ST8SIA6: variants seen among roughly 807,000 people sequenced by gnomAD.
The protein encoded by ST8SIA6 is ST8 alpha-N-acetyl-neuraminide alpha-2,8-sialyltransferase 6.
ST8SIA6 carries 39 observed loss-of-function variants against 33.6 expected under a neutral mutation model. The ratio of observed to expected loss-of-function variants is 1.16; its 90% CI spans 0.90 to 1.52. The LOEUF (loss-of-function observed/expected upper bound fraction) is 1.52. Ranked by LOEUF, ST8SIA6 falls within the 40% of genes most tolerant of loss-of-function variation. ST8SIA6 has a pLI of 0.00. For missense variants in ST8SIA6, 441 were observed against 443.8 expected (o/e 0.99, Z 0.06); for synonymous variants, 172 against 167.2 (o/e 1.03, Z -0.22).
In ST8SIA6 at chr10:17,451,535, G is replaced by A. The variant is rs1319735600; in HGVS notation, c.200+2024C>T. Among the ~76,000 whole-genome samples the A allele has an allele frequency of 2.0e-5, 3 of 152,138 alleles. No homozygotes were observed. In the South Asian group the frequency reaches 6.2e-4, roughly 31 times the overall value. On this transcript the variant is annotated intron_variant, in intron 2 of 7. Transcript: ENST00000377602. ...CTTCACCACTAGGCAATATATCCATGTAACAAAAATGCACTTTACCCCCTA... is the reference window on the plus strand; with the variant it reads ...CTTCACCACTAGGCAATATATCCATATAACAAAAATGCACTTTACCCCCTA...
intron 2 of ST8SIA6, among the ~76,000 whole-genome samples, chr10:17,411,117 C>G (rs939158362): frequency 6.6e-6 from 1 of 152,156 alleles, no homozygotes; most frequent in Non-Finnish European, 1.5e-5. Context: ...CAATCAATCA[C>G]ATGTCATTTC....
At chr10:17,360,656 AT>A (rs1167828413) in intron 3 of ST8SIA6, among the ~76,000 whole-genome samples, 1 of 152,078 alleles carries the variant, frequency 6.6e-6, no homozygotes. Flanking sequence ...TAAGAAAAAG[AT>A]GAACACTCTT....
chr10:17,374,051 T>C, intron 3 of ST8SIA6, among the ~76,000 whole-genome samples: 1 of 140,426 alleles, frequency 7.1e-6, no homozygotes, highest in Admixed American at 7.4e-5. Flanking sequence ...ATGCTAGTTA[T>C]CTTTTAACAT....
chr10:17,333,718 T>TACA (rs1491246829), intron 4 of ST8SIA6, among the ~76,000 whole-genome samples: 7 of 24,278 alleles, frequency 2.9e-4, no homozygotes, highest in African/African-American at 1.2e-3. Context: ...TATATATATA[T>TACA]TTTTTTTTTT....
At chr10:17,381,743 C>A (rs1045814516) in intron 3 of ST8SIA6, among the ~76,000 whole-genome samples, 8 of 152,164 alleles carry the variant, frequency 5.3e-5, no homozygotes, top group African/African-American at 1.9e-4. Flanking sequence ...ACAGAATGAT[C>A]TTTGCTTGTG....
intron 4 of ST8SIA6, among the ~76,000 whole-genome samples, chr10:17,338,505 T>G (rs1222772968): frequency 6.6e-6 from 1 of 152,214 alleles, no homozygotes; most frequent in Non-Finnish European, 1.5e-5. Context: ...CCTGTTCCCC[T>G]TGGATGCTTT....
chr10:17,436,773 T>G (rs111316999), intron 2 of ST8SIA6, among the ~76,000 whole-genome samples: 14,708 of 151,888 alleles, frequency 0.097, 1,638 homozygotes, highest in African/African-American at 0.28. Flanking sequence ...AGTCTATCAT[T>G]GTTGGACATT....
Position 17,320,605 on chromosome 10 carries a change from C to T in ST8SIA6, c.*273G>A, listed in dbSNP as rs562746921. The T allele has an allele frequency of 7.2e-6, 3 of 416,410 alleles. No individual in the cohort carries two copies. The South Asian group carries it at 9.4e-5, about 13-fold the overall frequency. The allele number at this position is 416,410 out of a possible 1,614,324, so 25.8% of individuals were successfully genotyped here. On this transcript the variant is annotated 3_prime_UTR_variant, in exon 8 of 8. Transcript: ENST00000377602. Reference sequence around the variant, plus strand: ...AGTAAGAAAGAAATATTCTTTGAGTCCCTACCTCACACCAAAGGCCATGCC... The same window carrying T: ...AGTAAGAAAGAAATATTCTTTGAGTTCCTACCTCACACCAAAGGCCATGCC...
At chr10:17,400,747 T>C (rs1026005694) in intron 2 of ST8SIA6, among the ~76,000 whole-genome samples, 1 of 152,156 alleles carries the variant, frequency 6.6e-6, no homozygotes. Flanking sequence ...TGCTAAAATA[T>C]CTCAATAAAT....
chr10:17,375,659 C>T (rs570616244), intron 3 of ST8SIA6, among the ~76,000 whole-genome samples: 8 of 152,320 alleles, frequency 5.3e-5, no homozygotes, highest in African/African-American at 1.9e-4. Flanking sequence ...GCAGATGTTC[C>T]AAATCTTGAT....
intron 2 of ST8SIA6, 131 bp downstream of exon 2, chr10:17,453,428 C>G: frequency 1.6e-6 from 1 of 616,428 alleles, no homozygotes; most frequent in Non-Finnish European, 2.3e-6. Context: ...TTCAAACACA[C>G]GCACACTCTT....
Position 17,315,767 on chromosome 10 carries a change from G to A in ST8SIA6, c.*5111C>T, listed in dbSNP as rs1209033102. Among the ~76,000 whole-genome samples the A allele has an allele frequency of 6.6e-6, 1 of 151,944 alleles. No homozygotes were observed. Among genetic ancestry groups the A allele is most frequent in the Non-Finnish European group, 1.5e-5 (1 of 67,894 alleles). ...GATGGACAGGGAGGAAGAAGAGGGAGGGATTACAAAGTAGCACAAGAAAAC... is the reference window on the plus strand; with the variant it reads ...GATGGACAGGGAGGAAGAAGAGGGAAGGATTACAAAGTAGCACAAGAAAAC... On this transcript the variant is annotated 3_prime_UTR_variant, in exon 8 of 8. Coordinates refer to ENST00000377602, the MANE Select transcript of ST8SIA6 (RefSeq NM_001004470.3).
At chr10:17,390,867 T>A (rs1850575575) in intron 2 of ST8SIA6, among the ~76,000 whole-genome samples, 1 of 151,718 alleles carries the variant, frequency 6.6e-6, no homozygotes, top group Admixed American at 6.6e-5. Context: ...AGACCTTTTT[T>A]TTTTTTTTGA....
rs1847798601 is a variant in ST8SIA6 at position 17,317,104 on chromosome 10, A to G, written c.*3774T>C. Among the ~76,000 whole-genome samples the G allele has an allele frequency of 6.6e-6, 1 of 152,146 alleles. No homozygotes were observed. Among genetic ancestry groups the G allele is most frequent in the African/African-American group, 2.4e-5 (1 of 41,442 alleles). On this transcript the variant is annotated 3_prime_UTR_variant, in exon 8 of 8. Coordinates refer to ENST00000377602, the MANE Select transcript of ST8SIA6 (RefSeq NM_001004470.3). ...GTTTTCTTTTTAATCCATCGTTTTC[A>G]TCCCTCTGGAGCCCAACTTTTTATA...
chr10:17,360,260 C>T (rs1849336976), intron 3 of ST8SIA6, among the ~76,000 whole-genome samples: 1 of 152,184 alleles, frequency 6.6e-6, no homozygotes, highest in South Asian at 2.1e-4. Flanking sequence ...GCAAGTATCC[C>T]TTTGAGTGAG....
At chr10:17,376,063 G>A in intron 3 of ST8SIA6, among the ~76,000 whole-genome samples, 1 of 152,078 alleles carries the variant, frequency 6.6e-6, no homozygotes, top group Non-Finnish European at 1.5e-5. Flanking sequence ...AACACCCACC[G>A]CACATCAGTG....
chr10:17,410,930 C>T (rs989887568), intron 2 of ST8SIA6, among the ~76,000 whole-genome samples: 28 of 152,132 alleles, frequency 1.8e-4, no homozygotes, highest in African/African-American at 6.8e-4. Context: ...ACCAAATTTA[C>T]TGTGCTTAGG....
intron 4 of ST8SIA6, among the ~76,000 whole-genome samples, chr10:17,332,373 T>A (rs900206317): frequency 2.6e-5 from 4 of 152,206 alleles, no homozygotes; most frequent in Non-Finnish European, 5.9e-5. Flanking sequence ...AATCATACTG[T>A]CTTCCACAAT....
chr10:17,315,845 G>A lies in ST8SIA6; in HGVS notation c.*5033C>T, dbSNP rs187171924. On this transcript the variant is annotated 3_prime_UTR_variant, in exon 8 of 8. Coordinates refer to ENST00000377602, the MANE Select transcript of ST8SIA6 (RefSeq NM_001004470.3). ...TCTTAATTGGAGAGACGGTTTCATG[G>A]GTATATGCATGTACATAAATATGTG... Among the ~76,000 whole-genome samples, 1 of 151,850 alleles carries A rather than the reference G, an allele frequency of 6.6e-6. No homozygotes were observed. The highest frequency in any genetic ancestry group is 6.6e-5 in the Admixed American group (1 of 15,204).
Sources: gnomAD v4.1 joint callset for allele counts (sites outside exome capture counted in the v4.1 genomes callset) on GRCh38, gnomAD v4.1.1 for gene constraint, MANE v1.5 for transcripts, NCBI Gene and HGNC (gene_info 2026-07-23, HGNC 2026-07-21) for gene names.